The following PLA2G4B variants were observed in gnomAD, a reference collection of about 807,000 sequenced individuals.
The protein encoded by PLA2G4B is phospholipase A2 group IVB.
PLA2G4B carries 122 observed loss-of-function variants against 95.8 expected under a neutral mutation model. That is an observed-to-expected ratio of 1.27 (90% CI 1.10 to 1.48). PLA2G4B has a LOEUF of 1.48. Ranked by LOEUF, PLA2G4B falls within the 40% of genes most tolerant of loss-of-function variation. The pLI, the probability that PLA2G4B is intolerant of heterozygous loss-of-function variation, is 0.00. For missense variants in PLA2G4B, 1,158 were observed against 996.2 expected, an observed-to-expected ratio of 1.16 and a Z score of -2.19; for synonymous variants, 518 against 421.5, an observed-to-expected ratio of 1.23 and a Z score of -2.80.
intron 10 of PLA2G4B, among the ~76,000 whole-genome samples, 155 bp from the exon 11 acceptor site, chr15:41,843,521 C>A (rs991145125): frequency 1.3e-5 from 2 of 152,212 alleles, no homozygotes; most frequent in African/African-American, 4.8e-5. Context: ...ACACACTCTC[C>A]CCAGGTGTCA....
intron 19 of PLA2G4B, 32 bp from the exon 20 acceptor site, chr15:41,847,617 G>T: frequency 6.2e-7 from 1 of 1,613,176 alleles, no homozygotes; most frequent in African/African-American, 1.3e-5. Flanking sequence ...CCCACAACGT[G>T]TTCCCCATGC....
Position 41,846,783 on chromosome 15 carries a change from G to C in PLA2G4B, c.1895G>C (p.Arg632Pro), listed in dbSNP as rs762334203. ...TGCCTGCCCCTCCTGCAGCCCACTCGGGACGTGGACCTCATCCTGTCATTG... is the reference window on the plus strand; with the variant it reads ...TGCCTGCCCCTCCTGCAGCCCACTCCGGACGTGGACCTCATCCTGTCATTG... ...TSCLPLLQPTRDVDLILSLDY... is the reference protein window; with the variant it reads ...TSCLPLLQPTPDVDLILSLDY... The change falls in exon 18 of 20, where the codon CGG becomes CCG. Residue 632 changes from arginine to proline, a missense_variant. Transcript: ENST00000458483. The C allele has an allele frequency of 1.2e-6, 2 of 1,613,902 alleles. No homozygotes were observed. Among genetic ancestry groups the C allele is most frequent in the Non-Finnish European group, 1.7e-6 (2 of 1,179,898 alleles).
chr15:41,839,261 AG>A, intron 1 of PLA2G4B: 1 of 241,726 alleles, frequency 4.1e-6, no homozygotes, highest in African/African-American at 2.3e-5. Context: ...CTGGAGTGTG[AG>A]GGCCCTGGGC....
At chr15:41,839,043 C>A in intron 1 of PLA2G4B, 121 bp downstream of exon 1, 1 of 771,268 alleles carries the variant, frequency 1.3e-6, no homozygotes, top group Non-Finnish European at 2.1e-6. Context: ...AGTTTATTGA[C>A]CACAAGACCA....
At position 41,844,602 on chromosome 15, in the gene PLA2G4B, C is replaced by T. The variant is rs1461723139; in HGVS notation, c.1011C>T (p.Ser337=). Residue 337 remains serine, a synonymous_variant, in exon 12 of 20, where the codon TCC becomes TCT. Coordinates refer to ENST00000458483, the MANE Select transcript of PLA2G4B (RefSeq NM_001114633.2). The part of the protein sequence containing the change: ...CVSYITGASG[S]TWALANLYED... ...CCTACATCACCGGGGCCTCGGGCTC[C>T]ACCTGGTGAGCTGGGGGCAGGCTGA... The T allele has an allele frequency of 3.1e-6, 5 of 1,614,140 alleles. No homozygotes were observed. Among genetic ancestry groups the T allele is most frequent in the Non-Finnish European group, 4.2e-6 (5 of 1,180,038 alleles).
chr15:41,839,604 A>T (rs1424227080), intron 1 of PLA2G4B: 9 of 155,544 alleles, frequency 5.8e-5, no homozygotes, highest in Admixed American at 5.1e-4. Context: ...AGGGTACGAG[A>T]GCAGCTCAGC....
Position 41,847,752 on chromosome 15 carries a change from G to A in PLA2G4B, c.2238G>A (p.Val746=), listed in dbSNP as rs1480863952. ...YTKVTYSQED[V]DKLLHLTHYN... is the part of the protein sequence containing the mutation. Reference sequence around the variant, plus strand: ...AGGTGACCTACAGCCAGGAGGACGTGGACAAGCTGCTGCACCTGACACATT... The same window carrying A: ...AGGTGACCTACAGCCAGGAGGACGTAGACAAGCTGCTGCACCTGACACATT... Residue 746 remains valine, a synonymous_variant, in exon 20 of 20, where the codon GTG becomes GTA. Transcript: ENST00000458483. 2 of 1,613,728 alleles carry A rather than the reference G, an allele frequency of 1.2e-6. No homozygotes were observed. Among genetic ancestry groups the A allele is most frequent in the Non-Finnish European group, 1.7e-6 (2 of 1,180,038 alleles).
chr15:41,844,784 C>T (rs998579960), intron 12 of PLA2G4B, 64 bp from the exon 13 acceptor site: 2 of 1,541,322 alleles, frequency 1.3e-6, no homozygotes, highest in African/African-American at 1.4e-5. Context: ...AAGCCCGGGG[C>T]ACGTGGGGTC....
chr15:41,841,998 C>A (rs1391564223), intron 8 of PLA2G4B, 49 bp downstream of exon 8: 16 of 1,585,794 alleles, frequency 1.0e-5, no homozygotes, highest in Non-Finnish European at 1.4e-5. Flanking sequence ...CTTCCTCCCT[C>A]CCTCTGCACC....
intron 9 of PLA2G4B, 30 bp downstream of exon 9, chr15:41,842,306 C>T (rs41277688): frequency 0.016 from 26,173 of 1,612,924 alleles, 270 homozygotes; most frequent in Middle Eastern, 0.021. Context: ...GGAAGCAAGG[C>T]GCCTGGATGG....
chr15:41,843,424 A>T (rs1315170268), intron 10 of PLA2G4B, among the ~76,000 whole-genome samples: 1 of 152,092 alleles, frequency 6.6e-6, no homozygotes, highest in African/African-American at 2.4e-5. Flanking sequence ...GCCTGTCTGC[A>T]CCTGGGACCC....
At chr15:41,846,117 G>A (rs778043703) in intron 16 of PLA2G4B, 70 bp downstream of exon 16, 3 of 1,579,040 alleles carry the variant, frequency 1.9e-6, no homozygotes, top group South Asian at 2.3e-5. Flanking sequence ...GGGGCGGGGG[G>A]TTCACACCTC....
intron 10 of PLA2G4B, 51 bp downstream of exon 10, chr15:41,842,642 G>A (rs776705360): frequency 1.3e-5 from 21 of 1,596,610 alleles, no homozygotes; most frequent in East Asian, 6.7e-5. Flanking sequence ...CAACCAGGGT[G>A]CGGGGCTGGA....
At chr15:41,842,527 TG>T (rs1319371567) in intron 9 of PLA2G4B, 26 bp from the exon 10 acceptor site, 3 of 1,611,696 alleles carry the variant, frequency 1.9e-6, no homozygotes. Context: ...GCCGACCTTT[TG>T]TGACTGGGGC....
At chr15:41,838,984 TA>T in intron 1 of PLA2G4B, 62 bp downstream of exon 1, 2 of 1,375,010 alleles carry the variant, frequency 1.5e-6, no homozygotes, top group Non-Finnish European at 2.0e-6. Context: ...GGGGCCTAGT[TA>T]ATATGTTTCT....
At position 41,846,278 on chromosome 15, in the gene PLA2G4B, A is replaced by G; in HGVS notation, c.1676A>G (p.Asp559Gly). ...TAGRIAEFFT[D>G]LLTWRPLAQA... is the part of the protein sequence containing the mutation. ...GGCAGGATAGCTGAGTTTTTCACCG[A>G]TCTTCTGACGTGGCGTCCACTGGCC... Residue 559 changes from aspartate to glycine, a missense_variant, in exon 17 of 20, where the codon GAT (aspartate) becomes GGT (glycine). Transcript: ENST00000458483. 1 of 1,614,064 alleles carries G rather than the reference A, an allele frequency of 6.2e-7. No homozygotes were observed.
chr15:41,845,268 C>G lies in PLA2G4B; in HGVS notation c.1305C>G (p.Ile435Met), dbSNP rs1178070356. Residue 435 changes from isoleucine (I) to methionine (M), a missense_variant, in exon 14 of 20, where the codon ATC (isoleucine) becomes ATG (methionine). By Grantham distance (10) the Ile-to-Met change is conservative. Transcript: ENST00000458483. Reference protein sequence around the residue: ...ALSHGQNPLPIYCALNTKGQS... With the variant: ...ALSHGQNPLPMYCALNTKGQS... ...GTCATGGCCAGAACCCTCTGCCCATCTACTGTGCCCTCAACACCAAAGGGC... is the reference window on the plus strand; with the variant it reads ...GTCATGGCCAGAACCCTCTGCCCATGTACTGTGCCCTCAACACCAAAGGGC... 1 of 1,614,184 alleles carries G rather than the reference C, an allele frequency of 6.2e-7. No individual in the cohort carries two copies. The highest frequency in any genetic ancestry group is 1.7e-5 in the Admixed American group (1 of 60,024).
Position 41,848,087 on chromosome 15 carries a change from C to T in PLA2G4B, c.*227C>T, listed in dbSNP as rs1470227714. On this transcript the variant is annotated 3_prime_UTR_variant, in exon 20 of 20. Transcript: ENST00000458483. ...AAACCCCCCGGCCTGTGCCTGTTTT[C>T]CCTTCTGCGCTACCTTGAGTAGTTG... 1.6e-6 allele frequency: 1 copy of T among 611,244 alleles called. No homozygotes were observed. Among genetic ancestry groups the T allele is most frequent in the Non-Finnish European group, 2.9e-6 (1 of 349,414 alleles). The allele number at this position is 611,244 out of a possible 1,614,324, so 37.9% of individuals were successfully genotyped here.
Position 41,840,868 on chromosome 15 carries a change from G to C in PLA2G4B, c.314G>C (p.Gly105Ala), listed in dbSNP as rs1336675895. The C allele has an allele frequency of 3.1e-6, 5 of 1,613,846 alleles. No individual in the cohort carries two copies. Among genetic ancestry groups the C allele is most frequent in the Non-Finnish European group, 4.2e-6 (5 of 1,179,830 alleles). ...TTTGATGCGGGGACTCTGCGGGCTG[G>C]GGAGTTCCGGCGCGAGAGCTTCTCA... Reference protein sequence around the residue: ...VLFDAGTLRAGEFRRESFSLS... With the variant: ...VLFDAGTLRAAEFRRESFSLS... Residue 105 changes from glycine to alanine, a missense_variant, in exon 4 of 20, where the codon GGG becomes GCG. Physicochemically the swap from Gly to Ala is moderately conservative, Grantham distance 60 (BLOSUM62 0). Transcript: ENST00000458483.
Sources: allele counts gnomAD v4.1 joint callset (sites outside exome capture counted in the v4.1 genomes callset), GRCh38; gene constraint gnomAD v4.1.1; transcripts MANE v1.5; gene names NCBI Gene and HGNC (gene_info 2026-07-23, HGNC 2026-07-21).